Variants in ASIC2 observed in about 807,000 individuals in gnomAD.
ASIC2 encodes the protein acid sensing ion channel subunit 2, also known as acid-sensing ion channel 2.
Under a neutral mutation model 57.3 loss-of-function variants are expected in ASIC2, and 25 were observed. The observed-to-expected ratio is 0.44, with a 90% CI of 0.32 to 0.61. ASIC2 has a LOEUF of 0.61. Ranked by LOEUF, ASIC2 falls within the 20% of genes least tolerant of loss-of-function variation. The probability of loss-of-function intolerance (pLI) is 0.06; values close to 1 mark genes in which losing one functional copy is unlikely to be tolerated. For synonymous variants in ASIC2, 319 were observed against 307.5 expected, an observed-to-expected ratio of 1.04 and a Z score of -0.39; for missense variants, 641 against 738.1, an observed-to-expected ratio of 0.87 and a Z score of 1.52.
chr17:33,288,031 C>T (rs1792051886), intron 1 of ASIC2, among the ~76,000 whole-genome samples: 1 of 152,150 alleles, frequency 6.6e-6, no homozygotes, highest in South Asian at 2.1e-4. Context: ...TATGCATTCC[C>T]CAGTCCTTTC....
intron 1 of ASIC2, among the ~76,000 whole-genome samples, chr17:33,859,903 T>C (rs1914060854): frequency 6.6e-6 from 1 of 152,240 alleles, no homozygotes; most frequent in Non-Finnish European, 1.5e-5. Flanking sequence ...CAGGCTGGTC[T>C]TGAACTTCTG....
At chr17:33,104,168 T>C (rs1162380788) in intron 2 of ASIC2, among the ~76,000 whole-genome samples, 1 of 152,148 alleles carries the variant, frequency 6.6e-6, no homozygotes, top group African/African-American at 2.4e-5. Context: ...TTTTCTCCCA[T>C]CCTCTTTGTC....
chr17:34,099,651 G>C lies in ASIC2; in HGVS notation c.555+56327C>G, dbSNP rs375270033. Reference sequence around the variant, plus strand: ...AAGAAAAAGAAAGAAAGAAAAGAGAGGAAGGAAGGAAGGAAAGAAAGAAAG... The same window carrying C: ...AAGAAAAAGAAAGAAAGAAAAGAGACGAAGGAAGGAAGGAAAGAAAGAAAG... On this transcript the variant is annotated intron_variant, in intron 1 of 9. Coordinates refer to the ASIC2 transcript ENST00000359872. Among the ~76,000 whole-genome samples the C allele has an allele frequency of 1.0e-4, 14 of 134,768 alleles. No homozygotes were observed. In the East Asian group the frequency reaches 2.8e-3, roughly 27 times the overall value. The allele number at this position is 134,768 out of a possible 152,430, so 88.4% of individuals were successfully genotyped here.
At chr17:33,095,013 A>T (rs905037764) in intron 2 of ASIC2, among the ~76,000 whole-genome samples, 1 of 152,134 alleles carries the variant, frequency 6.6e-6, no homozygotes, top group Non-Finnish European at 1.5e-5. Flanking sequence ...AATTTTTCTC[A>T]TTTTTAAAAT....
intron 4 of ASIC2, 77 bp downstream of exon 4, chr17:33,028,165 T>TC: frequency 6.5e-7 from 1 of 1,545,054 alleles, no homozygotes; most frequent in Non-Finnish European, 8.8e-7. Context: ...GTGAAGTGTT[T>TC]CCCATTAGGA....
chr17:33,727,413 G>T (rs967415300), intron 1 of ASIC2, among the ~76,000 whole-genome samples: 1 of 152,132 alleles, frequency 6.6e-6, no homozygotes. Context: ...TGTTCAATTT[G>T]CAGGGTGATA....
intron 1 of ASIC2, among the ~76,000 whole-genome samples, chr17:33,826,920 A>G (rs1378561369): frequency 1.3e-5 from 2 of 151,724 alleles, no homozygotes; most frequent in African/African-American, 4.8e-5. Flanking sequence ...ATTAGGTACT[A>G]AATTACATGG....
At position 34,156,143 on chromosome 17, in the gene ASIC2, G is replaced by C. The variant is rs1003082354; in HGVS notation, c.390C>G (p.Asp130Glu). 3.7e-6 allele frequency: 6 copies of C among 1,613,966 alleles called. No homozygotes were observed. The African/African-American group carries it at 5.3e-5, about 14-fold the overall frequency. Reference sequence around the variant, plus strand: ...GCCGCAGGGCCTCCAGCACGGAGGGGTCAGCCAGATGGGGGTCCGGGATCT... The same window carrying C: ...GCCGCAGGGCCTCCAGCACGGAGGGCTCAGCCAGATGGGGGTCCGGGATCT... Residue 130 changes from aspartate (D) to glutamate (E), a missense_variant, in exon 1 of 10, where the codon GAC becomes GAG. By Grantham distance (45) the Asp-to-Glu change is conservative. Coordinates refer to the ASIC2 transcript ENST00000359872. This position sits in a 1 kb window ranked among gnomAD's most constrained non-coding sequence, Gnocchi z 4.4.
intron 1 of ASIC2, among the ~76,000 whole-genome samples, chr17:33,882,445 G>A (rs1222853217): frequency 6.6e-6 from 1 of 152,152 alleles, no homozygotes; most frequent in Non-Finnish European, 1.5e-5. Flanking sequence ...CAAAAAGTGG[G>A]CGAAGGATAT....
At chr17:33,815,033 G>A (rs1028445061) in intron 1 of ASIC2, among the ~76,000 whole-genome samples, 8 of 152,192 alleles carry the variant, frequency 5.3e-5, no homozygotes, top group African/African-American at 1.9e-4. Context: ...GACCAAGCAT[G>A]GGCATTGAGG....
intron 1 of ASIC2, among the ~76,000 whole-genome samples, chr17:33,916,111 A>G (rs1212750203): frequency 2.6e-5 from 4 of 151,976 alleles, no homozygotes; most frequent in African/African-American, 9.7e-5. Flanking sequence ...CCATATTCCA[A>G]TTCTCCTCCC....
At chr17:33,472,230 G>A (rs1009764774) in intron 1 of ASIC2, among the ~76,000 whole-genome samples, 1 of 152,024 alleles carries the variant, frequency 6.6e-6, no homozygotes, top group Non-Finnish European at 1.5e-5. Context: ...ATGTTGGCCA[G>A]TCTGGTCTCG....
At chr17:33,495,953 G>A (rs1913917899) in intron 1 of ASIC2, among the ~76,000 whole-genome samples, 1 of 152,196 alleles carries the variant, frequency 6.6e-6, no homozygotes, top group African/African-American at 2.4e-5. Context: ...CCCTAGACAG[G>A]TGAAGACTCA....
At chr17:33,576,852 G>A (rs1916639479) in intron 1 of ASIC2, among the ~76,000 whole-genome samples, 1 of 152,184 alleles carries the variant, frequency 6.6e-6, no homozygotes, top group Admixed American at 6.5e-5. Flanking sequence ...CCTGGGGAAA[G>A]GTATAGAACA....
intron 1 of ASIC2, among the ~76,000 whole-genome samples, chr17:33,150,849 C>CAAAA (rs61602373): frequency 0.16 from 3,081 of 18,858 alleles, 669 homozygotes; most frequent in African/African-American, 0.19. Flanking sequence ...GACTCCGTCT[C>CAAAA]AAAAAAAAAA....
chr17:33,559,900 G>A (rs528410232), intron 1 of ASIC2, among the ~76,000 whole-genome samples: 2 of 152,276 alleles, frequency 1.3e-5, no homozygotes, highest in African/African-American at 4.8e-5. Flanking sequence ...AACAACATAA[G>A]CAAAGGCAGG....
intron 1 of ASIC2, among the ~76,000 whole-genome samples, chr17:33,359,086 T>C (rs1402889790): frequency 1.3e-5 from 2 of 152,168 alleles, no homozygotes; most frequent in African/African-American, 4.8e-5. Flanking sequence ...GAGATGACAG[T>C]TGGGAGAGAG....
intron 1 of ASIC2, among the ~76,000 whole-genome samples, chr17:33,594,869 G>C (rs1461628938): frequency 1.3e-5 from 2 of 151,340 alleles, no homozygotes; most frequent in Non-Finnish European, 2.9e-5. Context: ...CGGTGAGTAA[G>C]CTCAGGCCTA....
intron 1 of ASIC2, among the ~76,000 whole-genome samples, chr17:34,127,446 C>A (rs760849049): frequency 6.6e-6 from 1 of 152,246 alleles, no homozygotes; most frequent in Non-Finnish European, 1.5e-5. Flanking sequence ...AGGCTCCAGA[C>A]AATGTGGCCC....
Sources: gnomAD v4.1 joint callset for allele counts (sites outside exome capture counted in the v4.1 genomes callset) on GRCh38, gnomAD v4.1.1 for gene constraint, Gnocchi (gnomAD v3.1) non-coding constraint, MANE v1.5 for transcripts, NCBI Gene and HGNC (gene_info 2026-07-23, HGNC 2026-07-21) for gene names.